Variants in SPRED2 observed in about 807,000 individuals in gnomAD.
SPRED2 encodes sprouty-related, EVH1 domain-containing protein 2.
Under a neutral mutation model 43.0 loss-of-function variants are expected in SPRED2, and 47 were observed. That is an observed-to-expected ratio of 1.09 (90% CI 0.87 to 1.40). The LOEUF is 1.40. Ranked by LOEUF, SPRED2 falls within the 40% of genes most tolerant of loss-of-function variation. The pLI, the probability that SPRED2 is intolerant of heterozygous loss-of-function variation, is 0.00. For synonymous variants in SPRED2, 225 were observed against 225.7 expected (o/e 1.00, Z 0.03); for missense variants, 561 against 586.4 (o/e 0.96, Z 0.45).
chr2:65,308,218 G>T, downstream of SPRED2: 3 of 820,334 alleles, frequency 3.7e-6, no homozygotes, highest in Middle Eastern at 6.3e-4. Context: ...GGAGGTTCAG[G>T]CAGGCAGTAC....
At chr2:65,379,231 C>T (rs1675314573) in intron 1 of SPRED2, among the ~76,000 whole-genome samples, 1 of 151,938 alleles carries the variant, frequency 6.6e-6, no homozygotes, top group Admixed American at 6.6e-5. Context: ...TGTTCCCCCT[C>T]ACCCACCTGA....
intron 1 of SPRED2, among the ~76,000 whole-genome samples, chr2:65,390,915 C>A (rs1310177317): frequency 6.6e-6 from 1 of 151,906 alleles, no homozygotes; most frequent in African/African-American, 2.4e-5. Flanking sequence ...AAAACCCCGT[C>A]TCTACAAAAA....
downstream of SPRED2, among the ~76,000 whole-genome samples, chr2:65,309,570 A>G (rs892022634): frequency 3.3e-5 from 5 of 151,238 alleles, no homozygotes; most frequent in African/African-American, 4.9e-5. Flanking sequence ...GGTTATATGC[A>G]AATATATCAG....
At chr2:65,330,769 G>T in intron 4 of SPRED2, among the ~76,000 whole-genome samples, 1 of 152,288 alleles carries the variant, frequency 6.6e-6, no homozygotes, top group South Asian at 2.1e-4. Flanking sequence ...GTGAACCTCA[G>T]GGGACACATG....
chr2:65,324,552 T>C (rs2104166497), intron 4 of SPRED2, among the ~76,000 whole-genome samples: 1 of 152,322 alleles, frequency 6.6e-6, no homozygotes, highest in South Asian at 2.1e-4. Flanking sequence ...GATCTCTTGT[T>C]CTTGGAAGCT....
At chr2:65,420,081 T>G (rs1368324748) in intron 1 of SPRED2, among the ~76,000 whole-genome samples, 2 of 151,668 alleles carry the variant, frequency 1.3e-5, no homozygotes, top group African/African-American at 2.4e-5. Context: ...GTGGTGGCGC[T>G]TGCCTGTAGA....
At chr2:65,352,254 A>AT (rs1475768912) in intron 1 of SPRED2, among the ~76,000 whole-genome samples, 1 of 152,200 alleles carries the variant, frequency 6.6e-6, no homozygotes, top group Admixed American at 6.5e-5. Context: ...CAGAGAAGAG[A>AT]TTTTCTGATC....
Position 65,313,731 on chromosome 2 carries a change from T to C in SPRED2, c.1027A>G (p.Met343Val), listed in dbSNP as rs1269855441. 1.2e-6 allele frequency: 2 copies of C among 1,614,078 alleles called. No individual in the cohort carries two copies. The highest frequency in any genetic ancestry group is 1.7e-6 in the Non-Finnish European group (2 of 1,180,024). Residue 343 changes from methionine (M) to valine (V), a missense_variant, in exon 6 of 6, where the codon ATG (methionine) becomes GTG (valine). Physicochemically the swap from Met to Val is conservative, Grantham distance 21. Transcript: ENST00000356388. ...TAGAGCATGCTGTCCGCGCACCACA[T>C]GCAGCTCACCCGGCGGATGCAAGTT... ...VRTCIRRVSC[M>V]WCADSMLYHC...
chr2:65,328,151 GA>G (rs1365952289), intron 4 of SPRED2, among the ~76,000 whole-genome samples: 1 of 152,106 alleles, frequency 6.6e-6, no homozygotes, highest in African/African-American at 2.4e-5. Flanking sequence ...TAATGCTAAA[GA>G]TAATGACACC....
At chr2:65,383,995 G>A (rs1390318652) in intron 1 of SPRED2, among the ~76,000 whole-genome samples, 2 of 152,286 alleles carry the variant, frequency 1.3e-5, no homozygotes, top group East Asian at 1.9e-4. Context: ...AGAGATTTCC[G>A]GGTCTTTCTG....
intron 1 of SPRED2, among the ~76,000 whole-genome samples, chr2:65,377,080 G>A (rs11687598): frequency 0.16 from 24,534 of 152,146 alleles, 2,372 homozygotes; most frequent in Non-Finnish European, 0.2. Context: ...TTCCACTATA[G>A]GGATGTACCA....
intron 1 of SPRED2, among the ~76,000 whole-genome samples, chr2:65,360,455 T>A (rs1229183229): frequency 6.6e-6 from 1 of 152,268 alleles, no homozygotes; most frequent in African/African-American, 2.4e-5. Context: ...CCTTAACACC[T>A]GTGGTCCATA....
At chr2:65,402,310 A>G (rs1021925070) in intron 1 of SPRED2, among the ~76,000 whole-genome samples, 1 of 151,650 alleles carries the variant, frequency 6.6e-6, no homozygotes, top group Non-Finnish European at 1.5e-5. Context: ...AAAAAACCAA[A>G]AACAAAATAA....
chr2:65,420,254 T>G, intron 1 of SPRED2, among the ~76,000 whole-genome samples: 1 of 145,646 alleles, frequency 6.9e-6, no homozygotes, highest in East Asian at 2.0e-4. Flanking sequence ...GACAACCTAA[T>G]GAAGATACAA....
At position 65,423,288 on chromosome 2, in the gene SPRED2, A is replaced by G. The variant is rs145085380; in HGVS notation, c.26+8674T>C. 2.2e-4 allele frequency among the ~76,000 whole-genome samples: 34 copies of G among 152,356 alleles called. No homozygotes were observed. In the East Asian group the frequency reaches 6.4e-3, roughly 29 times the overall value. ...TGGTAATAAGGTATCTAGACCACAT[A>G]TCAGGAATGGCGTAGGGATGGCAGG... On this transcript the variant is annotated intron_variant, in intron 1 of 5. Coordinates refer to ENST00000356388, the MANE Select transcript of SPRED2 (RefSeq NM_181784.3).
chr2:65,328,030 CT>C lies in SPRED2; in HGVS notation c.438+3956del, dbSNP rs553552676. 4.2e-3 allele frequency among the ~76,000 whole-genome samples: 644 copies of C among 152,164 alleles called. 4 individuals carry two copies. Among genetic ancestry groups the C allele is most frequent in the Middle Eastern group, 6.8e-3 (2 of 294 alleles). ...AACCGCTGTGCCCGGCCCATTTTTGCTTTTCTTACCCACCATAAATCAGTTT... is the reference window on the plus strand; with the variant it reads ...AACCGCTGTGCCCGGCCCATTTTTGCTTTCTTACCCACCATAAATCAGTTT... On this transcript the variant is annotated intron_variant, in intron 4 of 5. Transcript: ENST00000356388.
chr2:65,376,033 G>A (rs1675228816), intron 1 of SPRED2, among the ~76,000 whole-genome samples: 1 of 152,186 alleles, frequency 6.6e-6, no homozygotes, highest in Non-Finnish European at 1.5e-5. Context: ...AATGCCAACA[G>A]GTAAGCAAGA....
intron 1 of SPRED2, among the ~76,000 whole-genome samples, chr2:65,407,653 C>T (rs1676057158): frequency 6.6e-6 from 1 of 152,130 alleles, no homozygotes; most frequent in African/African-American, 2.4e-5. Flanking sequence ...TTTGGTTAAA[C>T]CAAAAGATCA....
chr2:65,321,839 C>A (rs1673422362), intron 4 of SPRED2, among the ~76,000 whole-genome samples: 1 of 152,142 alleles, frequency 6.6e-6, no homozygotes, highest in Non-Finnish European at 1.5e-5. Flanking sequence ...GCGGCGGAAT[C>A]TCAGCTCACT....
Sources: allele counts gnomAD v4.1 joint callset (sites outside exome capture counted in the v4.1 genomes callset), GRCh38; gene constraint gnomAD v4.1.1; transcripts MANE v1.5; gene names NCBI Gene and HGNC (gene_info 2026-07-23, HGNC 2026-07-21).